Variants in SLC9D1 observed in about 807,000 individuals in gnomAD.
The protein encoded by SLC9D1 is putative LAG1-interacting protein.
At chr13:113,547,481 C>T in the SLC9D1 span, 24 of 913,358 alleles carry the variant, frequency 2.6e-5, no homozygotes, top group East Asian at 3.8e-4. Flanking sequence ...CCTGCAGAGC[C>T]GGCCCTGCTC....
the SLC9D1 span, chr13:113,520,701 T>C: frequency 1.5e-5 from 24 of 1,613,754 alleles, no homozygotes; most frequent in South Asian, 2.4e-4. Context: ...TCATGCCGAC[T>C]CTCATACAGG....
the SLC9D1 span, among the ~76,000 whole-genome samples, chr13:113,538,363 G>A: frequency 7.2e-5 from 11 of 152,180 alleles, no homozygotes; most frequent in African/African-American, 1.2e-4. Context: ...CGGCTGCACC[G>A]CAGCTTGATC....
the SLC9D1 span, chr13:113,534,048 T>A: frequency 6.3e-7 from 1 of 1,590,996 alleles, no homozygotes; most frequent in South Asian, 1.2e-5. Context: ...TTCCCAGCAT[T>A]GTCGTGGAAG....
chr13:113,549,935 C>T, the SLC9D1 span: 1 of 462,766 alleles, frequency 2.2e-6, no homozygotes, highest in Non-Finnish European at 3.8e-6. Context: ...GAATTATAAT[C>T]TGTTAGTCAA....
the SLC9D1 span, among the ~76,000 whole-genome samples, chr13:113,543,721 G>C: frequency 6.7e-6 from 1 of 150,162 alleles, no homozygotes; most frequent in Non-Finnish European, 1.5e-5. Context: ...CTTGTCCGCC[G>C]GGGCTTTGTT....
the SLC9D1 span, chr13:113,506,100 G>A: frequency 0.025 from 4,305 of 172,802 alleles, 112 homozygotes; most frequent in East Asian, 0.12. Flanking sequence ...CATCCTTGCC[G>A]TTAATCCTGT....
the SLC9D1 span, among the ~76,000 whole-genome samples, chr13:113,502,853 G>T: frequency 6.6e-6 from 1 of 152,180 alleles, no homozygotes; most frequent in African/African-American, 2.4e-5. Context: ...TCTCCAGATC[G>T]CAGGGCGGCA....
At chr13:113,515,523 A>G in the SLC9D1 span, among the ~76,000 whole-genome samples, 4 of 152,276 alleles carry the variant, frequency 2.6e-5, no homozygotes, top group East Asian at 7.7e-4. Context: ...AAGCTCAGTG[A>G]TGGCTCTGGT....
At chr13:113,518,273 T>C in the SLC9D1 span, among the ~76,000 whole-genome samples, 1 of 152,130 alleles carries the variant, frequency 6.6e-6, no homozygotes, top group Non-Finnish European at 1.5e-5. Context: ...CCCCGTGAAG[T>C]CCCTCGTGAG....
the SLC9D1 span, among the ~76,000 whole-genome samples, chr13:113,492,716 G>A: frequency 6.6e-6 from 1 of 152,160 alleles, no homozygotes; most frequent in Non-Finnish European, 1.5e-5. Flanking sequence ...TGGCCAACAT[G>A]GCAAAACACC....
At chr13:113,496,855 C>T in the SLC9D1 span, among the ~76,000 whole-genome samples, 1 of 152,162 alleles carries the variant, frequency 6.6e-6, no homozygotes, top group Non-Finnish European at 1.5e-5. Flanking sequence ...GCTACTGTGA[C>T]CCTGTGTACA....
the SLC9D1 span, chr13:113,504,473 T>G: frequency 1.8e-4 from 27 of 152,332 alleles, no homozygotes; most frequent in African/African-American, 6.3e-4. Flanking sequence ...GTGTAGTCTT[T>G]TATCCCTCGC....
At chr13:113,498,520 C>G in the SLC9D1 span, 3 of 1,581,514 alleles carry the variant, frequency 1.9e-6, no homozygotes, top group Non-Finnish European at 2.6e-6. Context: ...GACAATAAAT[C>G]AGTAAGCGTT....
chr13:113,494,876 G>C, the SLC9D1 span, among the ~76,000 whole-genome samples: 11 of 148,234 alleles, frequency 7.4e-5, no homozygotes, highest in South Asian at 1.3e-3. Context: ...CGATAACATG[G>C]ACTTTCTGTT....
the SLC9D1 span, among the ~76,000 whole-genome samples, chr13:113,536,882 T>C: frequency 6.6e-6 from 1 of 152,336 alleles, no homozygotes; most frequent in African/African-American, 2.4e-5. Flanking sequence ...GCCGTAGCCA[T>C]GACGTGGGTT....
chr13:113,510,214 G>T, the SLC9D1 span: 2 of 1,605,310 alleles, frequency 1.2e-6, no homozygotes, highest in Non-Finnish European at 1.7e-6. Flanking sequence ...TAAAAAGTGT[G>T]TGACTCACTG....
the SLC9D1 span, chr13:113,549,713 G>A: frequency 3.3e-5 from 27 of 817,298 alleles, no homozygotes; most frequent in African/African-American, 4.0e-4. Context: ...TCCTATTTTA[G>A]AATTTTCCGG....
chr13:113,517,390 G>A, the SLC9D1 span, among the ~76,000 whole-genome samples: 84,655 of 151,728 alleles, frequency 0.56, 26,128 homozygotes, highest in African/African-American at 0.84. Context: ...CCGCCACCAC[G>A]CCCGGCTAAT....
chr13:113,517,319 A>G, the SLC9D1 span, among the ~76,000 whole-genome samples: 48 of 151,834 alleles, frequency 3.2e-4, no homozygotes, highest in East Asian at 2.9e-3. Flanking sequence ...TGCAAGTTCC[A>G]CCTCCCGGGT....
Sources: gnomAD v4.1 joint callset for allele counts (sites outside exome capture counted in the v4.1 genomes callset) on GRCh38, gnomAD v4.1.1 for gene constraint, MANE v1.5 for transcripts, NCBI Gene and HGNC (gene_info 2026-07-23, HGNC 2026-07-21) for gene names.